Variants in PPARGC1A observed in about 807,000 individuals in gnomAD.
The protein encoded by PPARGC1A is PPARG coactivator 1 alpha.
A neutral mutation model predicts 88.7 loss-of-function variants in PPARGC1A; 25 were observed. That is an observed-to-expected ratio of 0.28 (90% CI 0.21 to 0.39). The LOEUF is 0.39. PPARGC1A is among the 10% of genes least tolerant of loss of function. The pLI is 1.00. For missense variants in PPARGC1A, 880 were observed against 968.7 expected, an observed-to-expected ratio of 0.91 and a Z score of 1.22; for synonymous variants, 363 against 355.6, an observed-to-expected ratio of 1.02 and a Z score of -0.24.
Position 23,792,432 on chromosome 4 carries a change from C to T in PPARGC1A, c.*3390G>A, listed in dbSNP as rs1716799045. Reference sequence around the variant, plus strand: ...ATAATCATTACCTACTGGAAGCTCACATCTAAAGGCATGAAAAGGTTTCCT... The same window carrying T: ...ATAATCATTACCTACTGGAAGCTCATATCTAAAGGCATGAAAAGGTTTCCT... On this transcript the variant is annotated 3_prime_UTR_variant, in exon 13 of 13. Coordinates refer to ENST00000264867, the MANE Select transcript of PPARGC1A (RefSeq NM_013261.5). 6.6e-6 allele frequency: 1 copy of T among 152,526 alleles called. No homozygotes were observed. Among genetic ancestry groups the T allele is most frequent in the Non-Finnish European group, 1.5e-5 (1 of 68,022 alleles). 9.4% of individuals were successfully genotyped at this position (152,526 alleles called of 1,614,324 possible).
the PPARGC1A span, among the ~76,000 whole-genome samples, chr4:24,002,272 C>T: frequency 6.6e-6 from 1 of 152,074 alleles, no homozygotes; most frequent in African/African-American, 2.4e-5. Flanking sequence ...GGATGACAAG[C>T]ATGCGCCACC....
At chr4:24,003,199 CA>C in the PPARGC1A span, among the ~76,000 whole-genome samples, 11 of 152,200 alleles carry the variant, frequency 7.2e-5, no homozygotes, top group Admixed American at 7.2e-4. Flanking sequence ...GCAAGAGGGC[CA>C]ATCTAGAACA....
chr4:24,138,061 A>T, the PPARGC1A span, among the ~76,000 whole-genome samples: 1 of 152,282 alleles, frequency 6.6e-6, no homozygotes, highest in East Asian at 1.9e-4. Context: ...AGGTCACGTG[A>T]GCATAGAGCC....
chr4:23,854,120 G>A (rs188575873), intron 2 of PPARGC1A, among the ~76,000 whole-genome samples: 2 of 152,300 alleles, frequency 1.3e-5, no homozygotes, highest in Non-Finnish European at 2.9e-5. Flanking sequence ...CTAGTCAAGG[G>A]AGTGAGACAG....
the PPARGC1A span, among the ~76,000 whole-genome samples, chr4:24,149,933 T>C: frequency 6.6e-6 from 1 of 152,212 alleles, no homozygotes; most frequent in African/African-American, 2.4e-5. Context: ...TGGAATAGGA[T>C]AAACAACTAT....
chr4:23,811,160 G>A (rs541047712), intron 10 of PPARGC1A, among the ~76,000 whole-genome samples: 10 of 152,284 alleles, frequency 6.6e-5, no homozygotes, highest in Non-Finnish European at 1.5e-4. Context: ...TTCTCCTTAA[G>A]TGCCTGTGTT....
At chr4:24,136,702 C>A in the PPARGC1A span, among the ~76,000 whole-genome samples, 30 of 152,264 alleles carry the variant, frequency 2.0e-4, no homozygotes, top group South Asian at 2.1e-4. Context: ...TAATATTAGA[C>A]CTGTCTCAGG....
chr4:23,802,672 A>C (rs1194458868), intron 10 of PPARGC1A, among the ~76,000 whole-genome samples: 2 of 129,744 alleles, frequency 1.5e-5, no homozygotes, highest in Non-Finnish European at 3.2e-5. Context: ...GCGAGACTCC[A>C]TCTCAAAAAA....
chr4:24,077,388 C>A, the PPARGC1A span, among the ~76,000 whole-genome samples: 1 of 151,978 alleles, frequency 6.6e-6, no homozygotes, highest in African/African-American at 2.4e-5. Flanking sequence ...TTATTTAATT[C>A]AATGAATGTC....
chr4:23,803,988 A>G (rs1456100175), intron 10 of PPARGC1A, among the ~76,000 whole-genome samples: 1 of 152,212 alleles, frequency 6.6e-6, no homozygotes, highest in African/African-American at 2.4e-5. Flanking sequence ...TAACTGAACA[A>G]TTTGCAGACC....
At chr4:23,985,010 G>T in the PPARGC1A span, among the ~76,000 whole-genome samples, 2 of 152,052 alleles carry the variant, frequency 1.3e-5, no homozygotes, top group Non-Finnish European at 2.9e-5. Flanking sequence ...TTTCAGAGTG[G>T]CCAGAAGACA....
At chr4:24,055,980 AGTTTGTTTG>A in the PPARGC1A span, among the ~76,000 whole-genome samples, 2 of 152,222 alleles carry the variant, frequency 1.3e-5, no homozygotes, top group African/African-American at 4.8e-5. Flanking sequence ...ACACATAAGA[AGTTTGTTTG>A]GTTTGTTCTT....
At chr4:24,185,958 C>T in the PPARGC1A span, among the ~76,000 whole-genome samples, 1 of 151,398 alleles carries the variant, frequency 6.6e-6, no homozygotes, top group Non-Finnish European at 1.5e-5. Flanking sequence ...AGGTCAGATT[C>T]TACTTACACA....
intron 7 of PPARGC1A, among the ~76,000 whole-genome samples, chr4:23,819,393 C>A (rs956973082): frequency 6.6e-6 from 1 of 152,174 alleles, no homozygotes; most frequent in African/African-American, 2.4e-5. Context: ...TACTGGGTAA[C>A]AAACTGGCCT....
chr4:24,127,803 T>C, the PPARGC1A span, among the ~76,000 whole-genome samples: 1 of 151,928 alleles, frequency 6.6e-6, no homozygotes, highest in Non-Finnish European at 1.5e-5. Flanking sequence ...GGCTAGTACA[T>C]TAGTACATCA....
chr4:24,147,979 C>T, the PPARGC1A span, among the ~76,000 whole-genome samples: 1 of 152,088 alleles, frequency 6.6e-6, no homozygotes, highest in East Asian at 2.0e-4. Context: ...TACAGAGAAG[C>T]TGGATAAAGC....
chr4:24,428,243 G>A, the PPARGC1A span, among the ~76,000 whole-genome samples: 5 of 152,144 alleles, frequency 3.3e-5, no homozygotes, highest in South Asian at 2.1e-4. Context: ...GCATCCCAGC[G>A]CCTCTCCTGG....
the PPARGC1A span, among the ~76,000 whole-genome samples, chr4:24,375,581 C>T: frequency 2.0e-5 from 3 of 152,136 alleles, no homozygotes; most frequent in African/African-American, 4.8e-5. Flanking sequence ...TACTCTATAC[C>T]AGGCAGCGCA....
chr4:24,180,414 C>A, the PPARGC1A span, among the ~76,000 whole-genome samples: 6 of 152,128 alleles, frequency 3.9e-5, no homozygotes, highest in African/African-American at 1.2e-4. Context: ...TGTATATATT[C>A]ATCTGTGTGC....
Sources: allele counts gnomAD v4.1 joint callset (sites outside exome capture counted in the v4.1 genomes callset), GRCh38; gene constraint gnomAD v4.1.1; transcripts MANE v1.5; gene names NCBI Gene and HGNC (gene_info 2026-07-23, HGNC 2026-07-21).